The following LRRC7 variants were observed in gnomAD, a reference collection of about 807,000 sequenced individuals.
LRRC7 encodes leucine rich repeat containing 7.
LRRC7 carries 23 observed loss-of-function variants against 175.7 expected under a neutral mutation model. The ratio of observed to expected loss-of-function variants is 0.13; its 90% confidence interval spans 0.09 to 0.19. The LOEUF (loss-of-function observed/expected upper bound fraction) is 0.19. Ranked by LOEUF, LRRC7 falls within the 10% of genes least tolerant of loss-of-function variation. LRRC7 has a pLI of 1.00. For synonymous variants in LRRC7, 685 were observed against 680.9 expected (o/e 1.01, Z -0.09); for missense variants, 1,354 against 1,904.7 (o/e 0.71, Z 5.38).
intron 24 of LRRC7, among the ~76,000 whole-genome samples, chr1:70,078,783 T>C (rs1261083685): frequency 1.3e-5 from 2 of 149,134 alleles, no homozygotes; most frequent in African/African-American, 2.5e-5. Flanking sequence ...ATAATACAGT[T>C]CTACATATAC....
chr1:69,766,162 C>A (rs1671604031), intron 3 of LRRC7, among the ~76,000 whole-genome samples: 1 of 152,032 alleles, frequency 6.6e-6, no homozygotes, highest in Non-Finnish European at 1.5e-5. Flanking sequence ...GTGTTTCCCC[C>A]AGCAGTCATG....
chr1:70,066,824 G>T (rs776439335), intron 23 of LRRC7, among the ~76,000 whole-genome samples: 1 of 151,990 alleles, frequency 6.6e-6, no homozygotes, highest in Non-Finnish European at 1.5e-5. Flanking sequence ...TTCCAGAGTG[G>T]CTCTACCATT....
rs4650015 is a variant in LRRC7 at position 70,017,529 on chromosome 1, A to T, written c.1320+995A>T. Among the ~76,000 whole-genome samples, 353 of 152,208 alleles carry T rather than the reference A, an allele frequency of 2.3e-3. 3 individuals are homozygous for T. Among genetic ancestry groups the T allele is most frequent in the Admixed American group, 0.012 (180 of 15,278 alleles). On this transcript the variant is annotated intron_variant, in intron 14 of 26. Transcript: ENST00000651989. Reference sequence around the variant, plus strand: ...TCTTGTGATCCTTAAATTTTGAAACACCTATCCTCAAATATGAATGGCTAA... The same window carrying T: ...TCTTGTGATCCTTAAATTTTGAAACTCCTATCCTCAAATATGAATGGCTAA...
intron 18 of LRRC7, 135 bp downstream of exon 18, chr1:70,028,506 A>G: frequency 1.3e-6 from 1 of 780,294 alleles, no homozygotes; most frequent in Non-Finnish European, 2.0e-6. Context: ...TACTTTTTCA[A>G]ACTATGAGGG....
intron 4 of LRRC7, among the ~76,000 whole-genome samples, chr1:69,816,728 A>G (rs1344277129): frequency 1.3e-5 from 2 of 152,158 alleles, no homozygotes; most frequent in African/African-American, 2.4e-5. Context: ...TAGTCTCCAT[A>G]GTATATATTA....
At chr1:69,699,135 A>G (rs1223817878) in intron 2 of LRRC7, among the ~76,000 whole-genome samples, 1 of 152,198 alleles carries the variant, frequency 6.6e-6, no homozygotes, top group Non-Finnish European at 1.5e-5. Flanking sequence ...TTGAGATTTG[A>G]AAAAGGAGCT....
At chr1:69,793,173 A>G (rs1411580969) in intron 4 of LRRC7, among the ~76,000 whole-genome samples, 1 of 152,146 alleles carries the variant, frequency 6.6e-6, no homozygotes, top group African/African-American at 2.4e-5. Context: ...TGGGTTGCCC[A>G]TTAAACAAGA....
rs1306729355 is a variant in LRRC7 at position 70,137,911 on chromosome 1, A to C, written c.*16024A>C. Reference sequence around the variant, plus strand: ...ACCAGCAAGAGAATATTAATAGTCCATATGGCTTTATTTCCAACAAAATCC... The same window carrying C: ...ACCAGCAAGAGAATATTAATAGTCCCTATGGCTTTATTTCCAACAAAATCC... On this transcript the variant is annotated 3_prime_UTR_variant, in exon 27 of 27. Coordinates refer to ENST00000651989, the MANE Select transcript of LRRC7 (RefSeq NM_001370785.2). Among the ~76,000 whole-genome samples the C allele has an allele frequency of 6.6e-6, 1 of 152,262 alleles. No homozygotes were observed. The highest frequency in any genetic ancestry group is 1.5e-5 in the Non-Finnish European group (1 of 68,042).
intron 21 of LRRC7, among the ~76,000 whole-genome samples, chr1:70,042,144 T>G (rs1166887518): frequency 6.6e-6 from 1 of 152,210 alleles, no homozygotes; most frequent in African/African-American, 2.4e-5. Context: ...CTCTTTCTTT[T>G]GTTTTCGCCA....
In LRRC7 at chr1:69,712,233, A is replaced by G. The variant is rs899079264; in HGVS notation, c.100+33755A>G. The stretch of plus-strand genomic sequence containing the variant: ...GAGGACAGTGGTAGCACTGAGAAAA[A>G]GAACACACACACACACACACACACA... On this transcript the variant is annotated intron_variant, in intron 2 of 26. Transcript: ENST00000651989. Among the ~76,000 whole-genome samples the G allele has an allele frequency of 2.3e-4, 13 of 55,716 alleles. 2 individuals are homozygous for G. The South Asian group carries it at 4.4e-3, about 19-fold the overall frequency. 36.6% of individuals were successfully genotyped at this position (55,716 alleles called of 152,430 possible). A position where few individuals can be genotyped will look rare whatever the true frequency, so the allele number is the denominator to read the frequency against.
At chr1:69,871,035 A>G (rs1026792273) in intron 7 of LRRC7, among the ~76,000 whole-genome samples, 20 of 152,132 alleles carry the variant, frequency 1.3e-4, no homozygotes, top group Non-Finnish European at 2.2e-4. Flanking sequence ...TTTGTAATAA[A>G]AATATATTCT....
chr1:69,882,000 G>T (rs1308232632), intron 7 of LRRC7, among the ~76,000 whole-genome samples: 5 of 133,624 alleles, frequency 3.7e-5, no homozygotes, highest in African/African-American at 1.4e-4. Context: ...GAGTTCATAC[G>T]ACTGAATAGC....
In LRRC7 at chr1:69,915,267, G is replaced by A. The variant is rs566676244; in HGVS notation, c.648-16240G>A. 1.1e-4 allele frequency among the ~76,000 whole-genome samples: 16 copies of A among 152,274 alleles called. No homozygotes were observed. The South Asian group carries it at 3.1e-3, about 30-fold the overall frequency. On this transcript the variant is annotated intron_variant, in intron 7 of 26. Coordinates refer to ENST00000651989, the MANE Select transcript of LRRC7 (RefSeq NM_001370785.2). The stretch of plus-strand genomic sequence containing the variant: ...TGAAGTGAATATTGGGAGCGGAGGC[G>A]CAGAGCCTAACAGGTCAGAGTTTCA...
At chr1:70,052,905 A>G in intron 22 of LRRC7, 121 bp from the exon 23 acceptor site, 1 of 979,446 alleles carries the variant, frequency 1.0e-6, no homozygotes, top group Middle Eastern at 2.2e-4. Context: ...GCAGTTCAGG[A>G]TGTATGTTTT....
intron 5 of LRRC7, among the ~76,000 whole-genome samples, chr1:69,827,876 A>G (rs1006758514): frequency 6.6e-6 from 1 of 152,034 alleles, no homozygotes; most frequent in African/African-American, 2.4e-5. Context: ...TGTATGGTTC[A>G]ATGAATTTTA....
chr1:69,817,764 CATG>C (rs1323923931), intron 4 of LRRC7, among the ~76,000 whole-genome samples: 4 of 152,056 alleles, frequency 2.6e-5, no homozygotes, highest in Non-Finnish European at 5.9e-5. Context: ...TCCGTGAATA[CATG>C]ATATCTTCTC....
chr1:69,861,480 A>G (rs986404980), intron 7 of LRRC7, among the ~76,000 whole-genome samples: 4 of 152,330 alleles, frequency 2.6e-5, no homozygotes, highest in African/African-American at 4.8e-5. Flanking sequence ...CTAAAGAGTA[A>G]CAGATTCAAT....
chr1:70,055,697 G>A (rs920029531), intron 23 of LRRC7, among the ~76,000 whole-genome samples: 25 of 152,064 alleles, frequency 1.6e-4, no homozygotes, highest in African/African-American at 5.6e-4. Context: ...AGGGGGAAGT[G>A]CTATATACCT....
intron 5 of LRRC7, among the ~76,000 whole-genome samples, chr1:69,827,155 C>T (rs1311875505): frequency 6.6e-6 from 1 of 152,168 alleles, no homozygotes; most frequent in Non-Finnish European, 1.5e-5. Flanking sequence ...TTCAACATCT[C>T]AGTGAAATAG....
Sources: gnomAD v4.1 joint callset for allele counts (sites outside exome capture counted in the v4.1 genomes callset) on GRCh38, gnomAD v4.1.1 for gene constraint, MANE v1.5 for transcripts, NCBI Gene and HGNC (gene_info 2026-07-23, HGNC 2026-07-21) for gene names.